CDC14B: variants seen among roughly 807,000 people sequenced by gnomAD.
CDC14B encodes the protein dual specificity protein phosphatase CDC14B.
Under a neutral mutation model 64.2 loss-of-function variants are expected in CDC14B, and 22 were observed. The ratio of observed to expected loss-of-function variants is 0.34; its 90% confidence interval spans 0.24 to 0.49. The LOEUF is 0.49. Among genes scored for constraint, CDC14B ranks in the 20% least tolerant of loss-of-function variants. CDC14B has a pLI of 0.99. For synonymous variants in CDC14B, 191 were observed against 215.8 expected (o/e 0.89, Z 1.01); for missense variants, 498 against 629.9 (o/e 0.79, Z 2.24).
chr9:96,615,178 T>G (rs1459235311), intron 1 of CDC14B, among the ~76,000 whole-genome samples: 1 of 152,116 alleles, frequency 6.6e-6, no homozygotes, highest in Non-Finnish European at 1.5e-5. Context: ...CATGGTGGAC[T>G]GAAACTGAAC....
At chr9:96,606,385 T>C (rs1564390833) in intron 1 of CDC14B, among the ~76,000 whole-genome samples, 1 of 149,880 alleles carries the variant, frequency 6.7e-6, no homozygotes, top group Non-Finnish European at 1.5e-5. Flanking sequence ...CTGAAATCAT[T>C]TTAAACTAAG....
chr9:96,526,229 G>A (rs1036053065), intron 9 of CDC14B, among the ~76,000 whole-genome samples: 1 of 152,110 alleles, frequency 6.6e-6, no homozygotes, highest in Admixed American at 6.6e-5. Context: ...TTAGCCGGGC[G>A]TGGTGGCAGG....
At chr9:96,508,054 C>T (rs953859488) in intron 13 of CDC14B, among the ~76,000 whole-genome samples, 4 of 151,018 alleles carry the variant, frequency 2.6e-5, no homozygotes, top group Admixed American at 2.0e-4. Flanking sequence ...CTCACTCTGT[C>T]GCCCAGGCTG....
intron 1 of CDC14B, among the ~76,000 whole-genome samples, chr9:96,580,372 C>A (rs2118312874): frequency 6.6e-6 from 1 of 152,140 alleles, no homozygotes; most frequent in African/African-American, 2.4e-5. Flanking sequence ...GCTGGGATTA[C>A]AAGCATGCAC....
intron 1 of CDC14B, among the ~76,000 whole-genome samples, chr9:96,613,527 C>G (rs890541928): frequency 1.3e-5 from 2 of 152,198 alleles, no homozygotes; most frequent in Admixed American, 1.3e-4. Flanking sequence ...GTTGCCTCCA[C>G]GTGGTGTTGG....
intron 1 of CDC14B, among the ~76,000 whole-genome samples, chr9:96,589,429 A>T (rs367891459): frequency 6.6e-6 from 1 of 152,166 alleles, no homozygotes; most frequent in East Asian, 1.9e-4. Flanking sequence ...TTAATCACAC[A>T]GCCTAAATTT....
intron 5 of CDC14B, among the ~76,000 whole-genome samples, chr9:96,549,966 C>T (rs1036959520): frequency 4.6e-5 from 7 of 152,112 alleles, no homozygotes; most frequent in African/African-American, 9.7e-5. Context: ...TTGCACAGTG[C>T]GAAATGTGTG....
intron 5 of CDC14B, among the ~76,000 whole-genome samples, chr9:96,547,594 C>T (rs1316790224): frequency 6.6e-6 from 1 of 152,070 alleles, no homozygotes; most frequent in Non-Finnish European, 1.5e-5. Flanking sequence ...GCTAGGACTA[C>T]AGACACATGC....
At chr9:96,567,615 C>G (rs1474849669) in intron 1 of CDC14B, among the ~76,000 whole-genome samples, 1 of 152,190 alleles carries the variant, frequency 6.6e-6, no homozygotes, top group Non-Finnish European at 1.5e-5. Flanking sequence ...TGTTGACACC[C>G]TTTTTAAACA....
At chr9:96,543,289 G>A (rs1339993422) in intron 5 of CDC14B, among the ~76,000 whole-genome samples, 1 of 149,658 alleles carries the variant, frequency 6.7e-6, no homozygotes, top group African/African-American at 2.5e-5. Flanking sequence ...AGCGGAGCTT[G>A]CGCCATTGCA....
At chr9:96,567,040 GA>G in intron 1 of CDC14B, 1 of 1,244,448 alleles carries the variant, frequency 8.0e-7, no homozygotes, top group Non-Finnish European at 1.1e-6. Context: ...AGGCCGTGGG[GA>G]CGGACAGCAC....
chr9:96,499,347 G>A (rs1833382089), downstream of CDC14B, among the ~76,000 whole-genome samples: 1 of 152,252 alleles, frequency 6.6e-6, no homozygotes, highest in Non-Finnish European at 1.5e-5. Context: ...TAAGCTGTGT[G>A]TGAGGTGTGG....
intron 1 of CDC14B, chr9:96,567,125 G>C (rs538982983): frequency 1.7e-6 from 1 of 571,650 alleles, no homozygotes; most frequent in Admixed American, 3.4e-5. Context: ...ACGCGGGGCG[G>C]CCTGTGCCAA....
At chr9:96,598,425 C>T (rs528051354) in intron 1 of CDC14B, among the ~76,000 whole-genome samples, 4 of 152,292 alleles carry the variant, frequency 2.6e-5, no homozygotes, top group African/African-American at 4.8e-5. Flanking sequence ...CAAGCTCCAC[C>T]TCCTGGGTTC....
chr9:96,578,083 G>T (rs1380861169), intron 1 of CDC14B, among the ~76,000 whole-genome samples: 2 of 152,182 alleles, frequency 1.3e-5, no homozygotes, highest in Non-Finnish European at 2.9e-5. Context: ...TTAAGAAAAG[G>T]GGGTGGGAGA....
chr9:96,578,459 G>A (rs1193407385), intron 1 of CDC14B, among the ~76,000 whole-genome samples: 3 of 152,172 alleles, frequency 2.0e-5, no homozygotes, highest in South Asian at 2.1e-4. Flanking sequence ...CCAAATGCTC[G>A]TGACTAACCC....
At chr9:96,565,108 G>GT (rs1289945089) in intron 2 of CDC14B, among the ~76,000 whole-genome samples, 1 of 151,982 alleles carries the variant, frequency 6.6e-6, no homozygotes, top group Non-Finnish European at 1.5e-5. Context: ...TAAAAAAGCT[G>GT]TTTTTCCACA....
chr9:96,491,322 G>T (rs1833092359), exon 14 of CDC14B: 2 of 152,186 alleles, frequency 1.3e-5, no homozygotes, highest in Non-Finnish European at 2.9e-5. Flanking sequence ...AATAAAGGTT[G>T]GTATTCGCTC....
intron 1 of CDC14B, among the ~76,000 whole-genome samples, chr9:96,579,584 C>CAAA (rs547800275): frequency 1.1e-5 from 1 of 94,692 alleles, no homozygotes; most frequent in Non-Finnish European, 2.2e-5. Flanking sequence ...GACTCTGTCT[C>CAAA]AAAAAAAAAA....
Sources: allele counts gnomAD v4.1 joint callset (sites outside exome capture counted in the v4.1 genomes callset), GRCh38; gene constraint gnomAD v4.1.1; transcripts MANE v1.5; gene names NCBI Gene and HGNC (gene_info 2026-07-23, HGNC 2026-07-21).